Variants in RPL21 observed in about 807,000 individuals in gnomAD.
The protein encoded by RPL21 is ribosomal protein L21.
A neutral mutation model predicts 21.2 loss-of-function variants in RPL21; 1 was observed. The ratio of observed to expected loss-of-function variants is 0.05; its 90% CI spans 0.02 to 0.22. RPL21 has a LOEUF of 0.22. Ranked by LOEUF, RPL21 falls within the 10% of genes least tolerant of loss-of-function variation. RPL21 has a pLI of 1.00. For missense variants in RPL21, 113 were observed against 199.4 expected (o/e 0.57, Z 2.61); for synonymous variants, 52 against 62.9 (o/e 0.83, Z 0.82).
intron 4 of RPL21, 79 bp downstream of exon 4, chr13:27,255,433 G>A (rs755469527): frequency 5.1e-6 from 4 of 781,884 alleles, no homozygotes; most frequent in African/African-American, 3.4e-5. Flanking sequence ...TTGGACTTAT[G>A]TCTTTATTGG....
intron 1 of RPL21, chr13:27,251,996 T>G (rs974980966): frequency 3.3e-5 from 5 of 152,364 alleles, no homozygotes; most frequent in Non-Finnish European, 5.9e-5. Flanking sequence ...TGTGGCTTTT[T>G]TATTCCAAAT....
At position 27,254,392 on chromosome 13, in the gene RPL21, A is replaced by ATTTTTTTTTTTTTTTTTTTT. The variant is rs555263610; in HGVS notation, c.129+130_129+131insTTTTTTTTTTTTTTTTTTTT. The ATTTTTTTTTTTTTTTTTTTT allele has an allele frequency of 7.0e-5, 20 of 286,824 alleles. 2 individuals are homozygous for ATTTTTTTTTTTTTTTTTTTT. The highest frequency in any genetic ancestry group is 6.9e-4 in the African/African-American group (18 of 26,232). The allele number at this position is 286,824 out of a possible 1,614,324, so 17.8% of individuals were successfully genotyped here. On this transcript the variant is annotated intron_variant, in intron 3 of 5. Transcript: ENST00000311549. ...TTGCATCTGTAAGAGTATAGAATGG[A>ATTTTTTTTTTTTTTTTTTTT]TTTTTTTTTTTTTTTTTTTGGAGAC...
At chr13:27,252,528 T>TC (rs1276851804) in intron 1 of RPL21, among the ~76,000 whole-genome samples, 6 of 152,266 alleles carry the variant, frequency 3.9e-5, no homozygotes, top group Non-Finnish European at 8.8e-5. Flanking sequence ...GAAAGATGGA[T>TC]CTAGTGGAGG....
chr13:27,256,409 T>A (rs973993493), intron 5 of RPL21, 27 bp from the exon 6 acceptor site: 1 of 1,572,834 alleles, frequency 6.4e-7, no homozygotes, highest in East Asian at 2.2e-5. Flanking sequence ...CATAATTATT[T>A]TATTCCCTTT....
At position 27,253,297 on chromosome 13, in the gene RPL21, A is replaced by G. The variant is rs74870512; in HGVS notation, c.-12-468A>G. Among the ~76,000 whole-genome samples the G allele has an allele frequency of 6.8e-3, 1,037 of 152,354 alleles. 53 individuals are homozygous for G. In the East Asian group the frequency reaches 0.12, roughly 18 times the overall value. Reference sequence around the variant, plus strand: ...TGTGAAGTGGCTTGAGATTTCTGATAGTTAAATAGATGATGTTTGAGATAC... The same window carrying G: ...TGTGAAGTGGCTTGAGATTTCTGATGGTTAAATAGATGATGTTTGAGATAC... On this transcript the variant is annotated intron_variant, in intron 1 of 5. Coordinates refer to ENST00000311549, the MANE Select transcript of RPL21 (RefSeq NM_000982.4).
intron 4 of RPL21, chr13:27,255,817 C>T (rs1593262612): frequency 1.8e-5 from 6 of 325,048 alleles, no homozygotes; most frequent in Non-Finnish European, 2.4e-5. Context: ...CGTGATCTGC[C>T]TGCCTCGGCC....
Position 27,254,251 on chromosome 13 carries a change from C to A in RPL21, c.99C>A (p.Ile33=), listed in dbSNP as rs1379098665. The A allele has an allele frequency of 1.3e-6, 2 of 1,599,260 alleles. No homozygotes were observed. Among genetic ancestry groups the A allele is most frequent in the Non-Finnish European group, 1.7e-6 (2 of 1,166,876 alleles). The change falls in exon 3 of 6, where the codon ATC becomes ATA. Residue 33 remains isoleucine (I), a synonymous_variant. Coordinates refer to ENST00000311549, the MANE Select transcript of RPL21 (RefSeq NM_000982.4). ...TTCCTTTGGCCACATATATGCGAAT[C>A]TATAAGAAAGGTGATATTGTAGACA... is the stretch of plus-strand genomic sequence containing the variant. ...GVVPLATYMR[I]YKKGDIVDIK...
intron 2 of RPL21, among the ~76,000 whole-genome samples, 153 bp from the exon 3 acceptor site, chr13:27,254,067 G>A (rs1933190742): frequency 6.6e-6 from 1 of 152,194 alleles, no homozygotes; most frequent in African/African-American, 2.4e-5. Flanking sequence ...GATTTAGTAG[G>A]CTGATTGTGC....
intron 1 of RPL21, chr13:27,251,894 TC>T (rs1881665240): frequency 6.6e-6 from 1 of 152,256 alleles, no homozygotes; most frequent in Non-Finnish European, 1.5e-5. Context: ...CGTTTTATGT[TC>T]CCGTGGCTGC....
chr13:27,254,977 T>G, intron 3 of RPL21: 1 of 608,464 alleles, frequency 1.6e-6, no homozygotes, highest in Non-Finnish European at 3.0e-6. Flanking sequence ...TAATTATTGA[T>G]GAAGATTACT....
chr13:27,253,481 T>A (rs1036114949), intron 1 of RPL21, among the ~76,000 whole-genome samples: 85 of 152,374 alleles, frequency 5.6e-4, no homozygotes, highest in African/African-American at 1.8e-3. Flanking sequence ...GAAGTCCTGT[T>A]GTGTTTTTAT....
chr13:27,255,186 G>A, intron 3 of RPL21, 56 bp from the exon 4 acceptor site: 1 of 815,676 alleles, frequency 1.2e-6, no homozygotes, highest in Non-Finnish European at 2.2e-6. Flanking sequence ...GTTACTTAAA[G>A]TCAGAATTTT....
intron 3 of RPL21, chr13:27,254,942 G>A (rs1372884934): frequency 2.0e-6 from 1 of 496,840 alleles, no homozygotes; most frequent in African/African-American, 1.9e-5. Context: ...TATCAAGTTG[G>A]AAAGGAACGC....
chr13:27,256,117 A>G, intron 4 of RPL21, 67 bp from the exon 5 acceptor site: 3 of 1,251,474 alleles, frequency 2.4e-6, no homozygotes, highest in Non-Finnish European at 3.4e-6. Flanking sequence ...TGAAACTGCA[A>G]AATCAGTTTT....
chr13:27,256,338 A>G lies in RPL21; in HGVS notation c.393+4A>G, dbSNP rs1421740567. On this transcript the variant is annotated splice_donor_region_variant and intron_variant, in intron 5 of 5. Coordinates refer to ENST00000311549, the MANE Select transcript of RPL21 (RefSeq NM_000982.4). ...CTGGGTTCAACTAAAGCGCCAGGTA[A>G]GAATTTGGTGTATATTTCATTGGTT... 2.5e-6 allele frequency: 4 copies of G among 1,610,886 alleles called. No individual in the cohort carries two copies. Among genetic ancestry groups the G allele is most frequent in the Non-Finnish European group, 1.7e-6 (2 of 1,177,526 alleles).
intron 2 of RPL21, 94 bp from the exon 3 acceptor site, chr13:27,254,126 A>G: frequency 5.9e-6 from 5 of 840,378 alleles, no homozygotes; most frequent in Non-Finnish European, 1.0e-5. Flanking sequence ...GTAACCATCA[A>G]AAATGATATA....
In RPL21 at chr13:27,254,251, C is replaced by G. The variant is rs1379098665; in HGVS notation, c.99C>G (p.Ile33Met). 6.3e-7 allele frequency: 1 copy of G among 1,599,380 alleles called. No individual in the cohort carries two copies. The highest frequency in any genetic ancestry group is 8.6e-7 in the Non-Finnish European group (1 of 1,166,868). Residue 33 changes from isoleucine to methionine, a missense_variant, in exon 3 of 6, where the codon ATC becomes ATG. By Grantham distance (10) the Ile-to-Met change is conservative. Coordinates refer to ENST00000311549, the MANE Select transcript of RPL21 (RefSeq NM_000982.4). ...GVVPLATYMR[I>M]YKKGDIVDIK... ...TTCCTTTGGCCACATATATGCGAAT[C>G]TATAAGAAAGGTGATATTGTAGACA...
At chr13:27,254,872 T>G (rs911424102) in intron 3 of RPL21, 6 of 378,988 alleles carry the variant, frequency 1.6e-5, no homozygotes, top group Non-Finnish European at 3.0e-5. Flanking sequence ...ATTTTCCTCA[T>G]TACCCGCTTG....
At chr13:27,253,958 A>C (rs1028448387) in intron 2 of RPL21, 115 bp downstream of exon 2, 10 of 756,960 alleles carry the variant, frequency 1.3e-5, no homozygotes, top group African/African-American at 1.2e-4. Context: ...ACTAGCGTCT[A>C]CCCAGCTTAT....
Sources: gnomAD v4.1 joint callset for allele counts (sites outside exome capture counted in the v4.1 genomes callset) on GRCh38, gnomAD v4.1.1 for gene constraint, MANE v1.5 for transcripts, NCBI Gene and HGNC (gene_info 2026-07-23, HGNC 2026-07-21) for gene names.